Variants in SULF1 observed in about 807,000 individuals in gnomAD.
SULF1 encodes the protein sulfatase 1.
Under a neutral mutation model 110.5 loss-of-function variants are expected in SULF1, and 46 were observed. The observed-to-expected ratio is 0.42, with a 90% CI of 0.33 to 0.53. The LOEUF is 0.53. Among genes scored for constraint, SULF1 ranks in the 20% least tolerant of loss-of-function variants. The probability of loss-of-function intolerance (pLI) is 0.12; values close to 1 mark genes in which losing one functional copy is unlikely to be tolerated. For synonymous variants in SULF1, 371 were observed against 387.1 expected, an observed-to-expected ratio of 0.96 and a Z score of 0.49; for missense variants, 941 against 1,094.2, an observed-to-expected ratio of 0.86 and a Z score of 1.98.
chr8:69,635,424 C>G (rs760251943), intron 19 of SULF1, among the ~76,000 whole-genome samples: 1 of 152,210 alleles, frequency 6.6e-6, no homozygotes, highest in African/African-American at 2.4e-5. Flanking sequence ...TAAGAATGCT[C>G]TGTACTTTTC....
At chr8:69,501,194 G>T (rs1404182678) in intron 2 of SULF1, among the ~76,000 whole-genome samples, 2 of 151,978 alleles carry the variant, frequency 1.3e-5, no homozygotes, top group Non-Finnish European at 2.9e-5. Context: ...TTAAATAAGA[G>T]GTCTCATTTC....
chr8:69,543,125 T>C (rs1813975797), intron 3 of SULF1, among the ~76,000 whole-genome samples: 1 of 152,170 alleles, frequency 6.6e-6, no homozygotes, highest in Non-Finnish European at 1.5e-5. Flanking sequence ...AGACTATTTG[T>C]TTTTTTAATT....
At chr8:69,515,285 A>G (rs1811852789) in intron 3 of SULF1, among the ~76,000 whole-genome samples, 1 of 152,064 alleles carries the variant, frequency 6.6e-6, no homozygotes, top group South Asian at 2.1e-4. Context: ...TGCACACCTG[A>G]AGGCCCAACA....
At chr8:69,591,965 G>A (rs1157936873) in intron 8 of SULF1, among the ~76,000 whole-genome samples, 4 of 152,214 alleles carry the variant, frequency 2.6e-5, no homozygotes, top group Non-Finnish European at 5.9e-5. Flanking sequence ...CTAGGGGCAG[G>A]ATGGGCAAGT....
chr8:69,647,437 C>A (rs1812006321), intron 22 of SULF1, among the ~76,000 whole-genome samples: 1 of 152,122 alleles, frequency 6.6e-6, no homozygotes, highest in African/African-American at 2.4e-5. Context: ...TTTAGACTAT[C>A]TTTAGGGTTG....
chr8:69,578,484 C>T (rs370749115), intron 6 of SULF1, among the ~76,000 whole-genome samples: 24 of 144,254 alleles, frequency 1.7e-4, no homozygotes, highest in African/African-American at 6.1e-4. Context: ...GGTATATCTC[C>T]TAATGCTATC....
At chr8:69,633,033 AAG>A (rs1312200789) in intron 19 of SULF1, among the ~76,000 whole-genome samples, 11 of 151,922 alleles carry the variant, frequency 7.2e-5, no homozygotes, top group African/African-American at 2.7e-4. Context: ...AAAAAAAAAA[AAG>A]AAAAGAAAGA....
intron 22 of SULF1, among the ~76,000 whole-genome samples, chr8:69,641,374 A>G (rs937304618): frequency 6.6e-6 from 1 of 152,184 alleles, no homozygotes; most frequent in Non-Finnish European, 1.5e-5. Flanking sequence ...AGCAGCCGTA[A>G]GATTCTGAAA....
intron 3 of SULF1, among the ~76,000 whole-genome samples, chr8:69,540,363 A>C (rs1368851972): frequency 6.6e-6 from 1 of 152,244 alleles, no homozygotes; most frequent in African/African-American, 2.4e-5. Context: ...GCATTTATAA[A>C]ATGTTTCACT....
At chr8:69,640,371 G>A (rs1338711816) in intron 21 of SULF1, among the ~76,000 whole-genome samples, 1 of 152,138 alleles carries the variant, frequency 6.6e-6, no homozygotes, top group Non-Finnish European at 1.5e-5. Context: ...ATGACACACT[G>A]GGTGGAGCCA....
chr8:69,629,683 A>T lies in SULF1; in HGVS notation c.2284+4A>T. 6.3e-7 allele frequency: 1 copy of T among 1,595,798 alleles called. No homozygotes were observed. Among genetic ancestry groups the T allele is most frequent in the Non-Finnish European group, 8.5e-7 (1 of 1,171,022 alleles). On this transcript the variant is annotated splice_donor_region_variant and intron_variant, in intron 19 of 22. Coordinates refer to ENST00000402687, the MANE Select transcript of SULF1 (RefSeq NM_001128205.2). Reference sequence around the variant, plus strand: ...CAGACAGCCCCGTTCTGGAACCGTAAGTTGCTTGTTCCAAATGCCACTTCC... The same window carrying T: ...CAGACAGCCCCGTTCTGGAACCGTATGTTGCTTGTTCCAAATGCCACTTCC...
rs559730596 is a variant in SULF1, at chr8:69,571,077, G to C, written c.173-4893G>C. Among the ~76,000 whole-genome samples, 81 of 152,316 alleles carry C rather than the reference G, an allele frequency of 5.3e-4. 1 individual carries two copies. The highest frequency in any genetic ancestry group is 5.3e-3 in the Admixed American group (81 of 15,308). On this transcript the variant is annotated intron_variant, in intron 5 of 22. Transcript: ENST00000402687. Reference sequence around the variant, plus strand: ...TGAGGAGTCAGTGTGTGTAGAAAAGGGAAGAATTGATATTTGTATTTGAAA... The same window carrying C: ...TGAGGAGTCAGTGTGTGTAGAAAAGCGAAGAATTGATATTTGTATTTGAAA...
chr8:69,604,722 T>TAAA, intron 12 of SULF1, 81 bp from the exon 13 acceptor site: 4 of 1,191,734 alleles, frequency 3.4e-6, no homozygotes, highest in African/African-American at 1.6e-5. Context: ...TGTGACAGGG[T>TAAA]AAAAAAAAAA....
chr8:69,632,978 A>T (rs936242096), intron 19 of SULF1, among the ~76,000 whole-genome samples: 1 of 151,722 alleles, frequency 6.6e-6, no homozygotes, highest in East Asian at 1.9e-4. Flanking sequence ...GTGAGCCATG[A>T]TTGTACTCCA....
At chr8:69,494,031 T>A (rs1271627610) in intron 1 of SULF1, among the ~76,000 whole-genome samples, 1 of 152,242 alleles carries the variant, frequency 6.6e-6, no homozygotes, top group African/African-American at 2.4e-5. Flanking sequence ...ATTGTACAAT[T>A]TGCATTTATA....
At chr8:69,575,052 A>G (rs1805506070) in intron 5 of SULF1, among the ~76,000 whole-genome samples, 1 of 152,156 alleles carries the variant, frequency 6.6e-6, no homozygotes, top group African/African-American at 2.4e-5. Context: ...AGGCTCCAAG[A>G]TTCAAATGCA....
intron 15 of SULF1, among the ~76,000 whole-genome samples, chr8:69,625,163 C>T (rs919536513): frequency 1.3e-5 from 2 of 152,184 alleles, no homozygotes; most frequent in African/African-American, 4.8e-5. Flanking sequence ...AATGAATTCC[C>T]CTTCTGAATC....
At chr8:69,539,665 G>T (rs546373252) in intron 3 of SULF1, among the ~76,000 whole-genome samples, 1 of 151,798 alleles carries the variant, frequency 6.6e-6, no homozygotes, top group Admixed American at 6.6e-5. Flanking sequence ...TCCGATATGC[G>T]CAGGGCATTC....
In SULF1 at chr8:69,564,138, G is replaced by A. The variant is rs1169936399; in HGVS notation, c.163G>A (p.Val55Met). Residue 55 changes from valine (V) to methionine (M), a missense_variant, in exon 5 of 23, where the codon GTG (valine) becomes ATG (methionine). Coordinates refer to ENST00000402687, the MANE Select transcript of SULF1 (RefSeq NM_001128205.2). ...IILVLTDDQD[V>M]ELGSLQVMNK... Reference sequence around the variant, plus strand: ...TCTTGTGCTTACCGATGATCAAGATGTGGAGCTGGGTGAGACACTGGACTC... The same window carrying A: ...TCTTGTGCTTACCGATGATCAAGATATGGAGCTGGGTGAGACACTGGACTC... 2 of 1,614,050 alleles carry A rather than the reference G, an allele frequency of 1.2e-6. No individual in the cohort carries two copies. The highest frequency in any genetic ancestry group is 1.7e-6 in the Non-Finnish European group (2 of 1,180,018).
Sources: gnomAD v4.1 joint callset for allele counts (sites outside exome capture counted in the v4.1 genomes callset) on GRCh38, gnomAD v4.1.1 for gene constraint, MANE v1.5 for transcripts, NCBI Gene and HGNC (gene_info 2026-07-23, HGNC 2026-07-21) for gene names.